CPNE2: variants seen among roughly 807,000 people sequenced by gnomAD.
The protein encoded by CPNE2 is copine 2.
Under a neutral mutation model 69.7 loss-of-function variants are expected in CPNE2, and 42 were observed. That is an observed-to-expected ratio of 0.60 (90% CI 0.47 to 0.78). The LOEUF is 0.78. Among genes scored for constraint, CPNE2 ranks in the 30% least tolerant of loss-of-function variants. The pLI is 0.00. For missense variants in CPNE2, 587 were observed against 732.0 expected (o/e 0.80, Z 2.29); for synonymous variants, 294 against 289.8 (o/e 1.01, Z -0.15).
chr16:57,100,689 T>C (rs1232639681), intron 1 of CPNE2, among the ~76,000 whole-genome samples: 1 of 152,188 alleles, frequency 6.6e-6, no homozygotes, highest in Non-Finnish European at 1.5e-5. Context: ...AACACCTCAT[T>C]TGGGGATGTT....
chr16:57,128,083 G>A (rs2069813062), intron 12 of CPNE2, among the ~76,000 whole-genome samples, 180 bp downstream of exon 12: 1 of 152,182 alleles, frequency 6.6e-6, no homozygotes, highest in Admixed American at 6.5e-5. Flanking sequence ...AGGCTGTAAC[G>A]GGGCAGCACG....
At chr16:57,111,865 G>A (rs2069683729) in intron 2 of CPNE2, among the ~76,000 whole-genome samples, 1 of 152,172 alleles carries the variant, frequency 6.6e-6, no homozygotes, top group South Asian at 2.1e-4. Flanking sequence ...CAGACCTTCA[G>A]GTTTTAAAAC....
intron 12 of CPNE2, among the ~76,000 whole-genome samples, chr16:57,129,527 G>A (rs1597501746): frequency 6.6e-6 from 1 of 152,196 alleles, no homozygotes; most frequent in Admixed American, 6.5e-5. Context: ...CAGGAGAAAG[G>A]TGGATGATGG....
At chr16:57,110,224 C>CTTTTTTTTT (rs145923720) in intron 1 of CPNE2, among the ~76,000 whole-genome samples, 2 of 119,034 alleles carry the variant, frequency 1.7e-5, no homozygotes, top group African/African-American at 6.1e-5. Flanking sequence ...CTTTTCTTTT[C>CTTTTTTTTT]TTTTTTTTTT....
At chr16:57,097,294 C>A (rs1390167437) in intron 1 of CPNE2, among the ~76,000 whole-genome samples, 1 of 152,184 alleles carries the variant, frequency 6.6e-6, no homozygotes, top group African/African-American at 2.4e-5. Flanking sequence ...AACTCCTATG[C>A]CCAGAGCCTG....
intron 15 of CPNE2, 75 bp from the exon 16 acceptor site, chr16:57,147,476 A>G: frequency 2.7e-6 from 3 of 1,112,790 alleles, no homozygotes; most frequent in Middle Eastern, 2.1e-4. Context: ...CCCTCTGGGC[A>G]TAGTGCCGCT....
intron 1 of CPNE2, 138 bp from the exon 2 acceptor site, chr16:57,110,568 CTA>C (rs2069674303): frequency 2.0e-6 from 1 of 493,786 alleles, no homozygotes; most frequent in Admixed American, 3.9e-5. Flanking sequence ...AAACCTTTGC[CTA>C]TGTTATTTGA....
chr16:57,106,859 C>T (rs2069651486), intron 1 of CPNE2, among the ~76,000 whole-genome samples: 1 of 152,222 alleles, frequency 6.6e-6, no homozygotes, highest in Admixed American at 6.5e-5. Context: ...TGATCACAAC[C>T]TGCCCGCTTA....
chr16:57,124,443 C>T (rs143766905), intron 10 of CPNE2: 1 of 450,804 alleles, frequency 2.2e-6, no homozygotes, highest in African/African-American at 2.0e-5. Flanking sequence ...TTTGTCGCTT[C>T]TCCCTGATCG....
At chr16:57,138,711 C>T (rs1425591466) in intron 14 of CPNE2, among the ~76,000 whole-genome samples, 4 of 152,152 alleles carry the variant, frequency 2.6e-5, no homozygotes, top group South Asian at 2.1e-4. Context: ...TGATGATGGT[C>T]GGCAATGTCT....
At chr16:57,138,770 G>A (rs893340739) in intron 14 of CPNE2, among the ~76,000 whole-genome samples, 4 of 152,208 alleles carry the variant, frequency 2.6e-5, no homozygotes, top group Non-Finnish European at 5.9e-5. Flanking sequence ...GGCTGTGCAG[G>A]CTCATCGTGC....
intron 1 of CPNE2, among the ~76,000 whole-genome samples, chr16:57,095,520 C>T (rs1305634930): frequency 6.6e-6 from 1 of 152,010 alleles, no homozygotes; most frequent in Admixed American, 6.5e-5. Flanking sequence ...TCACACAGGC[C>T]GGAGTGCACT....
At chr16:57,119,795 C>G (rs758534221) in intron 7 of CPNE2, 145 bp downstream of exon 7, 19 of 605,068 alleles carry the variant, frequency 3.1e-5, no homozygotes, top group Non-Finnish European at 4.9e-5. Flanking sequence ...GGACTGGAGA[C>G]TGGGTCCTCA....
chr16:57,129,309 G>A (rs1337941265), intron 12 of CPNE2, among the ~76,000 whole-genome samples: 1 of 152,204 alleles, frequency 6.6e-6, no homozygotes, highest in East Asian at 1.9e-4. Context: ...GCTAGGGCGA[G>A]AGTGGGCAGA....
intron 11 of CPNE2, 109 bp downstream of exon 11, chr16:57,126,102 C>G: frequency 7.3e-7 from 1 of 1,362,722 alleles, no homozygotes; most frequent in Admixed American, 2.1e-5. Context: ...TAGGAATGGA[C>G]AGCAAATGGC....
intron 3 of CPNE2, among the ~76,000 whole-genome samples, chr16:57,114,934 C>CAAAAAAAAAAA (rs55845635): frequency 1.8e-4 from 7 of 39,070 alleles, no homozygotes; most frequent in Non-Finnish European, 2.7e-4. Flanking sequence ...TTGTCTCTAC[C>CAAAAAAAAAAA]AAAAAAAAAA....
Position 57,117,558 on chromosome 16 carries a change from G to C in CPNE2, c.498G>C (p.Leu166=). 6.2e-7 allele frequency: 1 copy of C among 1,613,828 alleles called. No homozygotes were observed. Among genetic ancestry groups the C allele is most frequent in the South Asian group, 1.1e-5 (1 of 90,998 alleles). ...VITLSLAGRR[L]DKKDLFGKSD... ...CACTAAGCCTGGCGGGCAGGAGGCT[G>C]GACAAGAAGGTAAGGCGGGCAGAGG... The change falls in exon 5 of 16, where the codon CTG becomes CTC. Residue 166 remains leucine, a synonymous_variant. Coordinates refer to ENST00000290776, the MANE Select transcript of CPNE2 (RefSeq NM_152727.6).
At chr16:57,115,275 C>T (rs1416229100) in intron 3 of CPNE2, among the ~76,000 whole-genome samples, 1 of 152,088 alleles carries the variant, frequency 6.6e-6, no homozygotes, top group African/African-American at 2.4e-5. Flanking sequence ...GTCTCTTACC[C>T]TCTCTGGGCC....
intron 14 of CPNE2, among the ~76,000 whole-genome samples, chr16:57,138,546 C>A (rs1321002756): frequency 6.6e-6 from 1 of 152,146 alleles, no homozygotes; most frequent in East Asian, 1.9e-4. Context: ...GCCACCTAAC[C>A]CCCCGTGTGT....
Sources: gnomAD v4.1 joint callset for allele counts (sites outside exome capture counted in the v4.1 genomes callset) on GRCh38, gnomAD v4.1.1 for gene constraint, MANE v1.5 for transcripts, NCBI Gene and HGNC (gene_info 2026-07-23, HGNC 2026-07-21) for gene names.